Variants in OLAH observed in about 807,000 individuals in gnomAD.
OLAH encodes oleoyl-ACP hydrolase, also known as S-acyl fatty acid synthase thioesterase, medium chain.
OLAH carries 33 observed loss-of-function variants against 27.8 expected under a neutral mutation model. The ratio of observed to expected loss-of-function variants is 1.19; its 90% CI spans 0.90 to 1.59. OLAH has a LOEUF of 1.59. Among genes scored for constraint, OLAH ranks in the 40% most tolerant of loss-of-function variants. The pLI is 0.00. For synonymous variants in OLAH, 120 were observed against 102.9 expected, an observed-to-expected ratio of 1.17 and a Z score of -1.01; for missense variants, 359 against 310.8, an observed-to-expected ratio of 1.16 and a Z score of -1.17.
At chr10:15,033,951 A>AAGG in intron 1 of OLAH, among the ~76,000 whole-genome samples, 1 of 151,938 alleles carries the variant, frequency 6.6e-6, no homozygotes, top group Non-Finnish European at 1.5e-5. Flanking sequence ...AGGTAGGGAG[A>AAGG]AAGGAAGGAA....
At chr10:15,038,652 T>C (rs1486798904) in intron 1 of OLAH, 2 of 152,356 alleles carry the variant, frequency 1.3e-5, no homozygotes, top group Non-Finnish European at 2.9e-5. Context: ...CCTTCCACCA[T>C]GATTGTGAGG....
At chr10:15,069,887 G>A (rs887374210) in intron 6 of OLAH, among the ~76,000 whole-genome samples, 5 of 151,928 alleles carry the variant, frequency 3.3e-5, no homozygotes, top group African/African-American at 9.7e-5. Flanking sequence ...AAAGACAAAA[G>A]AGGCTGTGAG....
intron 3 of OLAH, among the ~76,000 whole-genome samples, chr10:15,057,193 C>G (rs1424177035): frequency 3.3e-5 from 5 of 152,116 alleles, no homozygotes. Flanking sequence ...TATTTTTCTT[C>G]TATCAATTCT....
In OLAH at chr10:15,065,732, T is replaced by C. The variant is rs1271128027; in HGVS notation, c.551T>C (p.Leu184Pro). 1 of 1,601,684 alleles carries C rather than the reference T, an allele frequency of 6.2e-7. No homozygotes were observed. Among genetic ancestry groups the C allele is most frequent in the Non-Finnish European group, 8.5e-7 (1 of 1,176,912 alleles). ...KQCSPIIRAD[L>P]NIVRSCTSNV... is the part of the protein sequence containing the mutation. ...TGTAGTCCCATCATAAGGGCAGATC[T>C]GAACATTGTTAGAAGTTGCACGTAA... The change falls in exon 6 of 8, where the codon CTG becomes CCG. Residue 184 changes from leucine (L) to proline (P), a missense_variant. Coordinates refer to ENST00000378228, the MANE Select transcript of OLAH (RefSeq NM_001039702.3).
intron 3 of OLAH, among the ~76,000 whole-genome samples, chr10:15,052,732 T>C (rs1844169235): frequency 6.9e-6 from 1 of 144,874 alleles, no homozygotes; most frequent in African/African-American, 2.5e-5. Context: ...GGCTTTTCTT[T>C]TTTTTTTTTT....
chr10:15,045,990 C>CG (rs1844009252), intron 1 of OLAH, among the ~76,000 whole-genome samples: 1 of 152,170 alleles, frequency 6.6e-6, no homozygotes, highest in African/African-American at 2.4e-5. Flanking sequence ...AAGGTCGTGC[C>CG]ACCACACTCC....
At chr10:15,050,591 G>A (rs4748137) in intron 3 of OLAH, among the ~76,000 whole-genome samples, 2 of 145,794 alleles carry the variant, frequency 1.4e-5, no homozygotes, top group Non-Finnish European at 3.0e-5. Flanking sequence ...GCCCAGGCTG[G>A]AGTGCAGTAG....
At chr10:15,059,282 G>C (rs534491219) in intron 3 of OLAH, among the ~76,000 whole-genome samples, 20 of 148,156 alleles carry the variant, frequency 1.3e-4, no homozygotes, top group Admixed American at 7.5e-4. Context: ...AACCTCCCAG[G>C]CTCAAGCAAT....
At chr10:15,055,024 GTGTGATC>G (rs1844220153) in intron 3 of OLAH, among the ~76,000 whole-genome samples, 1 of 151,990 alleles carries the variant, frequency 6.6e-6, no homozygotes, top group African/African-American at 2.4e-5. Context: ...GAGTGCAGTG[GTGTGATC>G]TTGGCTCACT....
At chr10:15,047,993 A>G (rs1046321294) in intron 2 of OLAH, among the ~76,000 whole-genome samples, 1 of 152,212 alleles carries the variant, frequency 6.6e-6, no homozygotes, top group African/African-American at 2.4e-5. Flanking sequence ...AGAGGGGTAT[A>G]ACAGATTGCA....
At chr10:15,070,740 CAAAGTGCTGGGA>C (rs1219220766) in intron 6 of OLAH, among the ~76,000 whole-genome samples, 5 of 151,224 alleles carry the variant, frequency 3.3e-5, no homozygotes, top group African/African-American at 4.9e-5. Context: ...CTCGGCCCCC[CAAAGTGCTGGGA>C]TTACAGGCGT....
At chr10:15,069,215 T>G (rs1465250165) in intron 6 of OLAH, among the ~76,000 whole-genome samples, 2 of 152,222 alleles carry the variant, frequency 1.3e-5, no homozygotes, top group Non-Finnish European at 2.9e-5. Context: ...AACACATTTT[T>G]GCCTTCTATC....
At chr10:15,065,791 C>T (rs1844456632) in intron 6 of OLAH, 38 bp downstream of exon 6, 2 of 1,548,842 alleles carry the variant, frequency 1.3e-6, no homozygotes, top group African/African-American at 1.4e-5. Flanking sequence ...TTTTTTGGTA[C>T]AATTATTTGT....
chr10:15,053,152 G>A (rs1248216508), intron 3 of OLAH, among the ~76,000 whole-genome samples: 1 of 152,116 alleles, frequency 6.6e-6, no homozygotes, highest in Non-Finnish European at 1.5e-5. Context: ...TTCAGGGAAT[G>A]TTACAGTAGG....
At chr10:15,059,238 G>A (rs962697758) in intron 3 of OLAH, among the ~76,000 whole-genome samples, 1 of 141,670 alleles carries the variant, frequency 7.1e-6, no homozygotes, top group Non-Finnish European at 1.5e-5. Context: ...CCCAGCTTCA[G>A]TGCAGTGGCA....
At chr10:15,064,967 T>A (rs1844439455) in intron 5 of OLAH, among the ~76,000 whole-genome samples, 1 of 152,216 alleles carries the variant, frequency 6.6e-6, no homozygotes. Flanking sequence ...TGCCATTACT[T>A]GCAACGGCAA....
chr10:15,052,659 T>C (rs1384484502), intron 3 of OLAH, among the ~76,000 whole-genome samples: 1 of 118,968 alleles, frequency 8.4e-6, no homozygotes, highest in African/African-American at 3.0e-5. Context: ...GATTTTGTTA[T>C]CAAAGAGTCT....
chr10:15,037,076 C>T (rs983387248), intron 1 of OLAH, among the ~76,000 whole-genome samples: 1 of 150,880 alleles, frequency 6.6e-6, no homozygotes, highest in South Asian at 2.1e-4. Context: ...GAGACTGTGT[C>T]TCAAAATAAA....
intron 2 of OLAH, among the ~76,000 whole-genome samples, chr10:15,048,103 T>C (rs1271865559): frequency 1.3e-5 from 2 of 152,214 alleles, no homozygotes; most frequent in African/African-American, 4.8e-5. Context: ...TTGTTTAAAT[T>C]GTGGTCACAA....
Sources: gnomAD v4.1 joint callset for allele counts (sites outside exome capture counted in the v4.1 genomes callset) on GRCh38, gnomAD v4.1.1 for gene constraint, MANE v1.5 for transcripts, NCBI Gene and HGNC (gene_info 2026-07-23, HGNC 2026-07-21) for gene names.